UBE2E1: variants seen among roughly 807,000 people sequenced by gnomAD.
UBE2E1 encodes ubiquitin conjugating enzyme E2 E1, also known as ubiquitin-conjugating enzyme E2 E1.
Under a neutral mutation model 21.4 loss-of-function variants are expected in UBE2E1, and 6 were observed. The ratio of observed to expected loss-of-function variants is 0.28; its 90% confidence interval spans 0.15 to 0.55. UBE2E1 has a LOEUF of 0.55. UBE2E1 is among the 20% of genes least tolerant of loss of function. The pLI is 0.93. For synonymous variants in UBE2E1, 87 were observed against 82.7 expected (o/e 1.05, Z -0.28); for missense variants, 142 against 236.5 (o/e 0.60, Z 2.62).
At chr3:23,885,871 C>T (rs767555057) in intron 3 of UBE2E1, among the ~76,000 whole-genome samples, 6 of 150,382 alleles carry the variant, frequency 4.0e-5, no homozygotes, top group Non-Finnish European at 8.9e-5. Flanking sequence ...AAAAAACAAA[C>T]AAAAAAAACA....
rs988241707 is a variant in UBE2E1 at position 23,808,408 on chromosome 3, G to T, written c.152+987G>T. On this transcript the variant is annotated intron_variant, in intron 2 of 5. Transcript: ENST00000306627. The surrounding 1 kb of genome is among the most constrained non-coding windows in gnomAD (Gnocchi z 4.9). ...AGAGTTAGGCAGTTGTTAAAAAGGT[G>T]GCAAACCAGGAAGATAGTAAGAACT... 1.8e-4 allele frequency among the ~76,000 whole-genome samples: 27 copies of T among 152,224 alleles called. No homozygotes were observed. The highest frequency in any genetic ancestry group is 6.0e-4 in the African/African-American group (25 of 41,528).
At chr3:23,869,350 CCTTTTTTTTTT>C (rs1263452256) in intron 3 of UBE2E1, among the ~76,000 whole-genome samples, 203 of 64,050 alleles carry the variant, frequency 3.2e-3, no homozygotes, top group Non-Finnish European at 4.9e-3. Context: ...TTTATGGTAT[CCTTTTTTTTTT>C]TTTTTTTTTT....
At chr3:23,885,940 T>A (rs190140945) in intron 3 of UBE2E1, among the ~76,000 whole-genome samples, 1 of 152,140 alleles carries the variant, frequency 6.6e-6, no homozygotes, top group East Asian at 1.9e-4. Context: ...CTTACACTTA[T>A]AATCCCAGCA....
chr3:23,847,858 T>C (rs1372907582), intron 3 of UBE2E1, among the ~76,000 whole-genome samples: 1 of 152,164 alleles, frequency 6.6e-6, no homozygotes, highest in Admixed American at 6.5e-5. Flanking sequence ...AAGGGATATA[T>C]AGAAAAAGTA....
In UBE2E1 at chr3:23,890,597, C is replaced by T. The variant is rs761962721; in HGVS notation, c.573C>T (p.Tyr191=). 151 of 1,612,400 alleles carry T rather than the reference C, an allele frequency of 9.4e-5. No homozygotes were observed. Among genetic ancestry groups the T allele is most frequent in the Non-Finnish European group, 1.1e-4 (126 of 1,179,406 alleles). The stretch of plus-strand genomic sequence containing the variant: ...TGGCCAGACAGTGGACCAAGAGATA[C>T]GCTACATAAATTGGGGTTTCACAAT... ...DRMARQWTKR[Y]AT Residue 191 remains tyrosine (Y), a synonymous_variant, in exon 6 of 6, where the codon TAC becomes TAT. Transcript: ENST00000306627.
chr3:23,819,638 A>G (rs1699604089), intron 3 of UBE2E1, among the ~76,000 whole-genome samples: 1 of 152,224 alleles, frequency 6.6e-6, no homozygotes, highest in African/African-American at 2.4e-5. Context: ...TTAAAACACA[A>G]AAACCTAATT....
intron 3 of UBE2E1, among the ~76,000 whole-genome samples, chr3:23,819,065 A>G (rs536276125): frequency 2.0e-5 from 3 of 152,112 alleles, no homozygotes; most frequent in Non-Finnish European, 4.4e-5. Flanking sequence ...CAGGCGGATC[A>G]TGAGGTCAGG....
At chr3:23,814,133 C>T (rs914077373) in intron 3 of UBE2E1, among the ~76,000 whole-genome samples, 1 of 151,726 alleles carries the variant, frequency 6.6e-6, no homozygotes, top group African/African-American at 2.4e-5. Flanking sequence ...CCAGCCTGGG[C>T]GACAGAGTGA....
Position 23,842,253 on chromosome 3 carries a change from T to TGTGTGGTGG in UBE2E1, c.203+30743_203+30744insGTGTGGTGG, listed in dbSNP as rs1559482500. 1.1e-4 allele frequency among the ~76,000 whole-genome samples: 6 copies of TGTGTGGTGG among 56,754 alleles called. No homozygotes were observed. Among genetic ancestry groups the TGTGTGGTGG allele is most frequent in the South Asian group, 1.0e-3 (2 of 1,962 alleles). The allele number at this position is 56,754 out of a possible 152,430, so 37.2% of individuals were successfully genotyped here. On this transcript the variant is annotated intron_variant, in intron 3 of 5. Transcript: ENST00000306627. This position sits in a 1 kb window ranked among gnomAD's most constrained non-coding sequence, Gnocchi z 4.6. ...TGTGTGTGTGTGTGTGTGTGTGGTG[T>TGTGTGGTGG]TGTTGTTGTTGGCGACAGGGTCTCA...
chr3:23,878,128 A>G (rs1335454088), intron 3 of UBE2E1, among the ~76,000 whole-genome samples: 3 of 152,134 alleles, frequency 2.0e-5, no homozygotes, highest in African/African-American at 2.4e-5. Flanking sequence ...GCTTCCCCAA[A>G]TGGTAGTACC....
chr3:23,850,444 A>G (rs1700296963), intron 3 of UBE2E1, among the ~76,000 whole-genome samples: 2 of 152,080 alleles, frequency 1.3e-5, no homozygotes, highest in East Asian at 1.9e-4. Context: ...AATGAAGTCC[A>G]GTTTACCTAT....
Position 23,870,914 on chromosome 3 carries a change from C to CT in UBE2E1, c.204-16653_204-16652insT. 6.6e-6 allele frequency among the ~76,000 whole-genome samples: 1 copy of CT among 152,202 alleles called. No homozygotes were observed. ...ATGCTGCCTTCAAGCATCTGTTTAA[C>CT]AAAGCACATCTTGCACCGCCCTTAA... On this transcript the variant is annotated intron_variant, in intron 3 of 5. Coordinates refer to ENST00000306627, the MANE Select transcript of UBE2E1 (RefSeq NM_003341.5). This position sits in a 1 kb window ranked among gnomAD's most constrained non-coding sequence, Gnocchi z 4.2.
At chr3:23,831,291 A>T (rs1164009195) in intron 3 of UBE2E1, among the ~76,000 whole-genome samples, 1 of 152,118 alleles carries the variant, frequency 6.6e-6, no homozygotes, top group African/African-American at 2.4e-5. Flanking sequence ...ATTTTTTCTC[A>T]CATCGCAGAT....
chr3:23,808,999 G>C lies in UBE2E1; in HGVS notation c.152+1578G>C, dbSNP rs114477783. ...ATAGAAAATACTCTGCTTTTGTTGT[G>C]AGTGAATTACAGAGAGGGGGATTTT... On this transcript the variant is annotated intron_variant, in intron 2 of 5. Coordinates refer to ENST00000306627, the MANE Select transcript of UBE2E1 (RefSeq NM_003341.5). This position sits in a 1 kb window ranked among gnomAD's most constrained non-coding sequence, Gnocchi z 4.9. Among the ~76,000 whole-genome samples the C allele has an allele frequency of 0.024, 3,636 of 152,244 alleles. 150 individuals carry two copies. Among genetic ancestry groups the C allele is most frequent in the African/African-American group, 0.083 (3,443 of 41,532 alleles).
intron 3 of UBE2E1, among the ~76,000 whole-genome samples, chr3:23,852,447 G>A (rs1465092885): frequency 6.6e-6 from 1 of 152,102 alleles, no homozygotes; most frequent in Non-Finnish European, 1.5e-5. Context: ...GTTGGTTTTT[G>A]TGTATTAATT....
Position 23,810,406 on chromosome 3 carries a change from C to A in UBE2E1, c.153-1054C>A. ...TGGGGGATGGGGCCCTTTGTGAAGT[C>A]GAGGGTTGGTGCGGAGGGAGAAAAC... On this transcript the variant is annotated intron_variant, in intron 2 of 5. Coordinates refer to ENST00000306627, the MANE Select transcript of UBE2E1 (RefSeq NM_003341.5). The surrounding 1 kb of genome is among the most constrained non-coding windows in gnomAD (Gnocchi z 5.8). 3 of 1,532,580 alleles carry A rather than the reference C, an allele frequency of 2.0e-6. No homozygotes were observed. Among genetic ancestry groups the A allele is most frequent in the South Asian group, 2.4e-5 (2 of 83,942 alleles). 94.9% of individuals were successfully genotyped at this position (1,532,580 alleles called of 1,614,324 possible).
At position 23,842,250 on chromosome 3, in the gene UBE2E1, G is replaced by GGGTGT. The variant is rs79440666; in HGVS notation, c.203+30740_203+30741insGGTGT. 5.8e-5 allele frequency among the ~76,000 whole-genome samples: 5 copies of GGGTGT among 86,288 alleles called. No individual in the cohort carries two copies. The highest frequency in any genetic ancestry group is 1.3e-4 in the Admixed American group (1 of 7,690). The allele number at this position is 86,288 out of a possible 152,430, so 56.6% of individuals were successfully genotyped here. A position where few individuals can be genotyped will look rare whatever the true frequency, so the allele number is the denominator to read the frequency against. ...GTGTGTGTGTGTGTGTGTGTGTGTG[G>GGGTGT]TGTTGTTGTTGTTGGCGACAGGGTC... is the stretch of plus-strand genomic sequence containing the variant. On this transcript the variant is annotated intron_variant, in intron 3 of 5. Coordinates refer to ENST00000306627, the MANE Select transcript of UBE2E1 (RefSeq NM_003341.5). This position sits in a 1 kb window ranked among gnomAD's most constrained non-coding sequence, Gnocchi z 4.6.
chr3:23,880,964 T>C (rs1701024737), intron 3 of UBE2E1, among the ~76,000 whole-genome samples: 2 of 152,248 alleles, frequency 1.3e-5, no homozygotes, highest in African/African-American at 4.8e-5. Flanking sequence ...TGATAGTTTT[T>C]TACTTTGTAT....
chr3:23,848,078 G>T lies in UBE2E1; in HGVS notation c.203+36568G>T, dbSNP rs372070735. ...CTTCAGATATCTTGGACTTTCCCCA[G>T]TGTTTTCACAATAAACCTGTGCAGT... On this transcript the variant is annotated intron_variant, in intron 3 of 5. Transcript: ENST00000306627. Among the ~76,000 whole-genome samples, 20 of 152,220 alleles carry T rather than the reference G, an allele frequency of 1.3e-4. 1 individual carries two copies. In the South Asian group the frequency reaches 4.1e-3, roughly 32 times the overall value.
Sources: allele counts gnomAD v4.1 joint callset (sites outside exome capture counted in the v4.1 genomes callset), GRCh38; gene constraint gnomAD v4.1.1; non-coding constraint Gnocchi (gnomAD v3.1); transcripts MANE v1.5; gene names NCBI Gene and HGNC (gene_info 2026-07-23, HGNC 2026-07-21).